The following ETS1 variants were observed in gnomAD, a reference collection of about 807,000 sequenced individuals.
ETS1 encodes the protein protein C-ets-1.
Under a neutral mutation model 58.6 loss-of-function variants are expected in ETS1, and 15 were observed. The observed-to-expected ratio is 0.26, with a 90% CI of 0.17 to 0.39. ETS1 has a LOEUF of 0.39. ETS1 is among the 10% of genes least tolerant of loss of function. The probability of loss-of-function intolerance (pLI) is 1.00; values close to 1 mark genes in which losing one functional copy is unlikely to be tolerated. For synonymous variants in ETS1, 214 were observed against 218.2 expected (o/e 0.98, Z 0.17); for missense variants, 417 against 610.5 (o/e 0.68, Z 3.34).
At chr11:128,523,864 G>C (rs1171546535) in intron 3 of ETS1, among the ~76,000 whole-genome samples, 1 of 152,034 alleles carries the variant, frequency 6.6e-6, no homozygotes, top group African/African-American at 2.4e-5. Flanking sequence ...CCTGGGAAAA[G>C]CCTAGAGAAA....
chr11:128,527,100 A>G, intron 3 of ETS1: 1 of 370,362 alleles, frequency 2.7e-6, no homozygotes, highest in South Asian at 2.0e-5. Context: ...TAGATAGATG[A>G]GCAGACTCAA....
intron 5 of ETS1, among the ~76,000 whole-genome samples, chr11:128,486,661 C>T (rs1398937531): frequency 1.3e-5 from 2 of 152,172 alleles, no homozygotes; most frequent in African/African-American, 2.4e-5. Context: ...GTTTCAAGTT[C>T]AGGCCCAGAC....
chr11:128,567,728 GTTCA>G (rs1864533909), intron 2 of ETS1, among the ~76,000 whole-genome samples: 1 of 152,080 alleles, frequency 6.6e-6, no homozygotes, highest in African/African-American at 2.4e-5. Context: ...TGCCTCCTGG[GTTCA>G]AGCGATTCTC....
At chr11:128,569,094 ATTGT>A (rs1004252238) in intron 2 of ETS1, among the ~76,000 whole-genome samples, 2 of 152,154 alleles carry the variant, frequency 1.3e-5, no homozygotes, top group Non-Finnish European at 2.9e-5. Flanking sequence ...GGGATGGATA[ATTGT>A]TTGTCATAGG....
rs531702843 is a variant in ETS1 at position 128,543,027 on chromosome 11, T to C, written c.214+13264A>G. Among the ~76,000 whole-genome samples the C allele has an allele frequency of 6.6e-4, 100 of 152,026 alleles. 1 individual carries two copies. The highest frequency in any genetic ancestry group is 2.3e-3 in the African/African-American group (94 of 41,462). On this transcript the variant is annotated intron_variant, in intron 3 of 9. Coordinates refer to ENST00000392668, the MANE Select transcript of ETS1 (RefSeq NM_001143820.2). ...GTCTCTACTAAAAAAATACAAAAAT[T>C]AGCCGGGCATGGTGGCAAGCGACTG... is the stretch of plus-strand genomic sequence containing the variant.
In ETS1 at chr11:128,460,090, AC is replaced by A. The variant is rs375149732; in HGVS notation, c.*2270del. 85,891 of 144,344 alleles carry A rather than the reference AC, an allele frequency of 0.6. 24,556 individuals carry two copies. The highest frequency in any genetic ancestry group is 0.69 in the Middle Eastern group (197 of 284). 8.9% of individuals were successfully genotyped at this position (144,344 alleles called of 1,614,324 possible). A position where few individuals can be genotyped will look rare whatever the true frequency, so the allele number is the denominator to read the frequency against. ...TCTGCAAACACACACACACACACAC[AC>A]ACACACACACACACACACACACACA... On this transcript the variant is annotated 3_prime_UTR_variant, in exon 10 of 10. Coordinates refer to ENST00000392668, the MANE Select transcript of ETS1 (RefSeq NM_001143820.2).
intron 3 of ETS1, among the ~76,000 whole-genome samples, chr11:128,520,624 G>A (rs1268004159): frequency 6.6e-6 from 1 of 152,114 alleles, no homozygotes; most frequent in African/African-American, 2.4e-5. Flanking sequence ...TTCCAGCTGC[G>A]CTCTCAGCAT....
chr11:128,587,033 C>A (rs908095788), intron 1 of ETS1, among the ~76,000 whole-genome samples: 89 of 152,202 alleles, frequency 5.8e-4, no homozygotes, highest in African/African-American at 1.7e-3. Flanking sequence ...TAGCAATTTC[C>A]TCTCTATTAA....
At chr11:128,522,103 T>C in intron 3 of ETS1, 1 of 1,312,212 alleles carries the variant, frequency 7.6e-7, no homozygotes, top group South Asian at 2.1e-5. Flanking sequence ...GAAATCCGAC[T>C]TTCTTCCCAA....
intron 1 of ETS1, among the ~76,000 whole-genome samples, chr11:128,584,734 T>C (rs1864939264): frequency 6.6e-6 from 1 of 151,996 alleles, no homozygotes; most frequent in South Asian, 2.1e-4. Flanking sequence ...ATCTAATTTT[T>C]CCCAGGATTG....
chr11:128,495,740 C>T (rs961542208), intron 3 of ETS1, among the ~76,000 whole-genome samples: 6 of 152,112 alleles, frequency 3.9e-5, no homozygotes, highest in Non-Finnish European at 7.4e-5. Context: ...GAGAGAGGGG[C>T]GTGCATTGTT....
chr11:128,566,736 G>T (rs1344660784), intron 2 of ETS1, among the ~76,000 whole-genome samples: 3 of 151,446 alleles, frequency 2.0e-5, no homozygotes, highest in Non-Finnish European at 4.4e-5. Context: ...TGAGCCGAGA[G>T]GGCGCCACTG....
At chr11:128,468,413 C>T (rs1399823016) in intron 8 of ETS1, among the ~76,000 whole-genome samples, 1 of 152,196 alleles carries the variant, frequency 6.6e-6, no homozygotes, top group Non-Finnish European at 1.5e-5. Context: ...GTAACATGCT[C>T]TTGATGGAAA....
intron 6 of ETS1, 120 bp downstream of exon 6, chr11:128,485,949 A>G (rs1057391725): frequency 4.5e-6 from 3 of 664,144 alleles, no homozygotes; most frequent in African/African-American, 1.8e-5. Flanking sequence ...AGAAGAGTCT[A>G]CATCTAAGAA....
chr11:128,553,239 A>G (rs1864260440), intron 3 of ETS1, among the ~76,000 whole-genome samples: 1 of 152,220 alleles, frequency 6.6e-6, no homozygotes, highest in Non-Finnish European at 1.5e-5. Flanking sequence ...GGCGGACGGT[A>G]GGAGGAGGTA....
chr11:128,509,566 T>C lies in ETS1; in HGVS notation c.215-18990A>G, dbSNP rs1378170466. 2.6e-5 allele frequency among the ~76,000 whole-genome samples: 4 copies of C among 151,530 alleles called. No homozygotes were observed. The East Asian group carries it at 7.7e-4, about 29-fold the overall frequency. ...CAGGTGAAAATTTTTTTTTTTTTTT[T>C]TTTTTTTTTTACTTTCCCACTACTA... On this transcript the variant is annotated intron_variant, in intron 3 of 9. Transcript: ENST00000392668.
intron 3 of ETS1, 49 bp from the exon 4 acceptor site, chr11:128,490,625 A>G: frequency 6.7e-7 from 1 of 1,488,516 alleles, no homozygotes; most frequent in South Asian, 1.1e-5. Flanking sequence ...TAGGTAATGA[A>G]CCAATCATAA....
intron 1 of ETS1, among the ~76,000 whole-genome samples, chr11:128,585,779 G>A (rs550241213): frequency 1.5e-4 from 23 of 152,324 alleles, no homozygotes; most frequent in African/African-American, 4.8e-4. Context: ...AAGGGAAGAA[G>A]GCACAGACAC....
intron 3 of ETS1, among the ~76,000 whole-genome samples, chr11:128,528,509 T>C (rs1156984320): frequency 6.6e-6 from 1 of 152,176 alleles, no homozygotes; most frequent in Non-Finnish European, 1.5e-5. Context: ...AGCACACTCC[T>C]AGTACATATT....
Sources: allele counts gnomAD v4.1 joint callset (sites outside exome capture counted in the v4.1 genomes callset), GRCh38; gene constraint gnomAD v4.1.1; transcripts MANE v1.5; gene names NCBI Gene and HGNC (gene_info 2026-07-23, HGNC 2026-07-21).